Variants in KCNJ6 observed in about 807,000 individuals in gnomAD.
KCNJ6 encodes the protein G protein-activated inward rectifier potassium channel 2.
KCNJ6 carries 9 observed loss-of-function variants against 34.2 expected under a neutral mutation model. The ratio of observed to expected loss-of-function variants is 0.26; its 90% CI spans 0.16 to 0.46. The LOEUF is 0.46. Among genes scored for constraint, KCNJ6 ranks in the 20% least tolerant of loss-of-function variants. The pLI is 1.00. For synonymous variants in KCNJ6, 196 were observed against 207.1 expected, an observed-to-expected ratio of 0.95 and a Z score of 0.46; for missense variants, 236 against 531.3, an observed-to-expected ratio of 0.44 and a Z score of 5.46.
At chr21:37,664,719 C>T (rs2054505682) in intron 3 of KCNJ6, among the ~76,000 whole-genome samples, 1 of 151,102 alleles carries the variant, frequency 6.6e-6, no homozygotes, top group Non-Finnish European at 1.5e-5. Flanking sequence ...TGGTGTTTTA[C>T]TCTGAGTTTT....
intron 2 of KCNJ6, among the ~76,000 whole-genome samples, chr21:37,736,293 T>G (rs2054912715): frequency 6.6e-6 from 1 of 150,842 alleles, no homozygotes; most frequent in African/African-American, 2.4e-5. Context: ...GGGGTGAGGG[T>G]GGGGTGGGGT....
At chr21:37,772,355 AACACAC>A (rs142992347) in intron 2 of KCNJ6, among the ~76,000 whole-genome samples, 1 of 150,656 alleles carries the variant, frequency 6.6e-6, no homozygotes, top group Non-Finnish European at 1.5e-5. Context: ...CATTGATAGA[AACACAC>A]ACACACACAC....
At chr21:37,882,966 G>A (rs1306952031) in intron 1 of KCNJ6, among the ~76,000 whole-genome samples, 1 of 152,230 alleles carries the variant, frequency 6.6e-6, no homozygotes, top group Non-Finnish European at 1.5e-5. Flanking sequence ...GAGTGATAGT[G>A]CATGTGTGTG....
At chr21:37,907,146 C>G (rs1257394734) in intron 1 of KCNJ6, among the ~76,000 whole-genome samples, 1 of 152,194 alleles carries the variant, frequency 6.6e-6, no homozygotes, top group African/African-American at 2.4e-5. Context: ...AGATTTCATT[C>G]CTTGTCTTTT....
intron 3 of KCNJ6, among the ~76,000 whole-genome samples, chr21:37,627,462 TG>T (rs1222160728): frequency 1.3e-5 from 2 of 152,168 alleles, no homozygotes; most frequent in African/African-American, 4.8e-5. Flanking sequence ...AGACAGGTGA[TG>T]GCAGTGATAT....
chr21:37,911,752 G>T (rs2226360), intron 1 of KCNJ6, among the ~76,000 whole-genome samples: 2,243 of 152,202 alleles, frequency 0.015, 26 homozygotes, highest in Non-Finnish European at 0.023. Context: ...CACCTTATCT[G>T]CCTGCCTTTC....
rs934773344 is a variant in KCNJ6, at chr21:37,612,738, AAAAAAAG to A, written c.*12414_*12420del. 10 of 152,092 alleles carry A rather than the reference AAAAAAAG, an allele frequency of 6.6e-5. No homozygotes were observed. Among genetic ancestry groups the A allele is most frequent in the African/African-American group, 2.2e-4 (9 of 41,540 alleles). 9.4% of individuals were successfully genotyped at this position (152,092 alleles called of 1,614,324 possible). ...ACATCCACAGGCAAAAAAAAAAAAA[AAAAAAAG>A]AGTCTAAATACAGACCTAACAAACA... is the stretch of plus-strand genomic sequence containing the variant. On this transcript the variant is annotated 3_prime_UTR_variant, in exon 4 of 4. Transcript: ENST00000609713.
At chr21:37,898,058 C>T (rs2055797770) in intron 1 of KCNJ6, among the ~76,000 whole-genome samples, 1 of 152,216 alleles carries the variant, frequency 6.6e-6, no homozygotes. Flanking sequence ...TCCATGTTGA[C>T]CGCCCTTTAA....
intron 2 of KCNJ6, among the ~76,000 whole-genome samples, chr21:37,786,927 A>G (rs935925689): frequency 2.0e-5 from 3 of 152,176 alleles, no homozygotes; most frequent in Non-Finnish European, 4.4e-5. Flanking sequence ...CTGTGTCTAT[A>G]TTCTATTTTT....
At chr21:37,645,016 G>GTT (rs1330739973) in intron 3 of KCNJ6, among the ~76,000 whole-genome samples, 6 of 98,094 alleles carry the variant, frequency 6.1e-5, no homozygotes, top group Non-Finnish European at 1.1e-4. Context: ...AAAACAGGTG[G>GTT]GTTTTTTTTT....
intron 2 of KCNJ6, among the ~76,000 whole-genome samples, chr21:37,836,724 T>C (rs2055453410): frequency 6.6e-6 from 1 of 151,928 alleles, no homozygotes; most frequent in South Asian, 2.1e-4. Context: ...GAACATAACA[T>C]ACCAGGGCCT....
chr21:37,866,232 C>T (rs1009387416), intron 1 of KCNJ6, among the ~76,000 whole-genome samples: 9 of 152,166 alleles, frequency 5.9e-5, no homozygotes, highest in Non-Finnish European at 2.9e-5. Context: ...GTGGCCTGCC[C>T]TTCAGGCTTT....
At chr21:37,863,860 G>GTTTTTTT (rs56800970) in intron 1 of KCNJ6, among the ~76,000 whole-genome samples, 1 of 81,078 alleles carries the variant, frequency 1.2e-5, no homozygotes, top group African/African-American at 4.7e-5. Flanking sequence ...TTTTTTTTTT[G>GTTTTTTT]TTTTTTTTTT....
chr21:37,873,733 C>T (rs561398025), intron 1 of KCNJ6, among the ~76,000 whole-genome samples: 7 of 152,320 alleles, frequency 4.6e-5, no homozygotes, highest in African/African-American at 1.7e-4. Context: ...TCCCCATCCT[C>T]ACTCTTAGCT....
chr21:37,876,335 C>T (rs1276251851), intron 1 of KCNJ6, among the ~76,000 whole-genome samples: 3 of 152,114 alleles, frequency 2.0e-5, no homozygotes. Flanking sequence ...CCAAAAGTCA[C>T]CCAATTAACA....
rs974850328 is a variant in KCNJ6 at position 37,712,754 on chromosome 21, C to T, written c.946+1457G>A. 3.3e-5 allele frequency among the ~76,000 whole-genome samples: 3 copies of T among 91,514 alleles called. 1 individual carries two copies. 60.0% of individuals were successfully genotyped at this position (91,514 alleles called of 152,430 possible). On this transcript the variant is annotated intron_variant, in intron 3 of 3. Coordinates refer to ENST00000609713, the MANE Select transcript of KCNJ6 (RefSeq NM_002240.5). ...TCCCCTTCTCCTCCTCTCCTTCCTC[C>T]CCTTCCTCCTCCCCTGCCTTCCCTT... is the stretch of plus-strand genomic sequence containing the variant.
intron 2 of KCNJ6, among the ~76,000 whole-genome samples, chr21:37,831,488 C>A (rs953954638): frequency 1.3e-5 from 2 of 152,140 alleles, no homozygotes; most frequent in African/African-American, 4.8e-5. Context: ...GAGGCTGAAT[C>A]CCTCAGTTAC....
chr21:37,834,088 G>C (rs574772804), intron 2 of KCNJ6, among the ~76,000 whole-genome samples: 1 of 152,282 alleles, frequency 6.6e-6, no homozygotes, highest in South Asian at 2.1e-4. Context: ...AGCTCATGTG[G>C]TGTGCCAGCT....
At chr21:37,733,915 C>G (rs1318545557) in intron 2 of KCNJ6, among the ~76,000 whole-genome samples, 1 of 152,166 alleles carries the variant, frequency 6.6e-6, no homozygotes, top group Non-Finnish European at 1.5e-5. Flanking sequence ...ATTTCTCAGA[C>G]AACTTGGTTT....
Sources: allele counts gnomAD v4.1 joint callset (sites outside exome capture counted in the v4.1 genomes callset), GRCh38; gene constraint gnomAD v4.1.1; transcripts MANE v1.5; gene names NCBI Gene and HGNC (gene_info 2026-07-23, HGNC 2026-07-21).